DCDC1: variants seen among roughly 807,000 people sequenced by gnomAD.
The protein encoded by DCDC1 is doublecortin domain containing 1, also known as doublecortin domain-containing protein 1.
In DCDC1, 200 loss-of-function variants were observed where a neutral mutation model predicts 178.3. The observed-to-expected ratio is 1.12, with a 90% CI of 1.00 to 1.26. DCDC1 has a LOEUF of 1.26. Among genes scored for constraint, DCDC1 ranks in the 50% most tolerant of loss-of-function variants. The pLI, the probability that DCDC1 is intolerant of heterozygous loss-of-function variation, is 0.00. For missense variants in DCDC1, 1,983 were observed against 1,749.2 expected (o/e 1.13, Z -2.38); for synonymous variants, 690 against 604.8 (o/e 1.14, Z -2.07).
chr11:30,918,053 A>AG (rs1945980192), intron 25 of DCDC1, among the ~76,000 whole-genome samples: 1 of 152,122 alleles, frequency 6.6e-6, no homozygotes, highest in African/African-American at 2.4e-5. Context: ...AGTTAAAAAA[A>AG]ACAACAGCGC....
chr11:31,125,790 G>T (rs868552734), intron 11 of DCDC1, among the ~76,000 whole-genome samples: 3 of 152,102 alleles, frequency 2.0e-5, no homozygotes, highest in Non-Finnish European at 4.4e-5. Context: ...GGTTGGGTGG[G>T]GGGTAGAGCA....
Position 31,348,200 on chromosome 11 carries a change from A to T in DCDC1, c.-124-12636T>A, listed in dbSNP as rs531231345. ...TTCCTATCTATCATCAAAATTTCTT[A>T]CAAATTTCATCATCTCATTTGTTTT... On this transcript the variant is annotated intron_variant, in intron 1 of 38. Transcript: ENST00000684477. 5.9e-5 allele frequency among the ~76,000 whole-genome samples: 9 copies of T among 152,282 alleles called. No homozygotes were observed. The South Asian group carries it at 1.9e-3, about 32-fold the overall frequency.
At position 31,147,621 on chromosome 11, in the gene DCDC1, T is replaced by C. The variant is rs76416372; in HGVS notation, c.1222-9837A>G. Among the ~76,000 whole-genome samples the C allele has an allele frequency of 1.9e-3, 285 of 152,320 alleles. 3 individuals carry two copies. Among genetic ancestry groups the C allele is most frequent in the African/African-American group, 6.5e-3 (271 of 41,574 alleles). On this transcript the variant is annotated intron_variant, in intron 9 of 38. Transcript: ENST00000684477. ...GATTAAGATATTTGAGTTGGATACCTTAGGTTCCAAGGAATAGATACTCGC... is the reference window on the plus strand; with the variant it reads ...GATTAAGATATTTGAGTTGGATACCCTAGGTTCCAAGGAATAGATACTCGC...
chr11:31,252,619 A>T (rs1245443736), intron 8 of DCDC1, among the ~76,000 whole-genome samples: 1 of 152,104 alleles, frequency 6.6e-6, no homozygotes, highest in Non-Finnish European at 1.5e-5. Flanking sequence ...AGGAATACTG[A>T]AATAACTAGA....
chr11:31,294,850 G>GAAAA (rs1415353812), intron 6 of DCDC1, among the ~76,000 whole-genome samples: 1 of 124,434 alleles, frequency 8.0e-6, no homozygotes, highest in South Asian at 2.6e-4. Flanking sequence ...AAGAAAGAAA[G>GAAAA]AAAGAAAGAA....
intron 38 of DCDC1, among the ~76,000 whole-genome samples, chr11:30,871,329 C>A (rs751337547): frequency 7.5e-4 from 114 of 152,186 alleles, no homozygotes; most frequent in Non-Finnish European, 1.5e-3. Context: ...GGGGTGGCCA[C>A]TGGGACCCAG....
intron 24 of DCDC1, among the ~76,000 whole-genome samples, chr11:30,921,566 A>G (rs568264114): frequency 6.6e-6 from 1 of 152,260 alleles, no homozygotes; most frequent in East Asian, 1.9e-4. Context: ...AAAAGCCTGT[A>G]GCTCCCACTT....
intron 15 of DCDC1, 86 bp downstream of exon 15, chr11:31,102,091 A>T (rs541201944): frequency 1.9e-6 from 1 of 514,508 alleles, no homozygotes; most frequent in African/African-American, 1.9e-5. Flanking sequence ...AAAAAAAAAA[A>T]AAACTGTCAC....
chr11:31,290,460 T>G (rs1157798097), intron 7 of DCDC1, among the ~76,000 whole-genome samples, 187 bp downstream of exon 7: 1 of 152,040 alleles, frequency 6.6e-6, no homozygotes, highest in Non-Finnish European at 1.5e-5. Context: ...TTTGCTAAGG[T>G]AATTTATGGT....
chr11:30,942,779 C>T (rs163855), intron 21 of DCDC1, among the ~76,000 whole-genome samples: 9,506 of 152,178 alleles, frequency 0.062, 959 homozygotes, highest in African/African-American at 0.22. Flanking sequence ...TCCAGTTAGA[C>T]GAAGGAAGCC....
intron 38 of DCDC1, among the ~76,000 whole-genome samples, chr11:30,875,887 A>T (rs1208517264): frequency 6.6e-6 from 1 of 152,218 alleles, no homozygotes. Context: ...ATCCAGATAA[A>T]ATGCTTCTTA....
chr11:31,365,347 C>T (rs1339998060), intron 1 of DCDC1, among the ~76,000 whole-genome samples: 1 of 152,016 alleles, frequency 6.6e-6, no homozygotes, highest in Non-Finnish European at 1.5e-5. Flanking sequence ...TGGAACATAA[C>T]CATCATATCC....
At chr11:30,961,618 AT>A (rs1949103499) in intron 20 of DCDC1, among the ~76,000 whole-genome samples, 1 of 152,054 alleles carries the variant, frequency 6.6e-6, no homozygotes. Context: ...TTTATAATGA[AT>A]TTAAAATGGT....
chr11:31,244,079 T>C (rs1000985300), intron 8 of DCDC1, among the ~76,000 whole-genome samples: 7 of 151,662 alleles, frequency 4.6e-5, no homozygotes, highest in African/African-American at 1.5e-4. Context: ...CATAAGAAAA[T>C]GATACGCCTA....
At chr11:31,317,849 G>A (rs1166089561) in intron 3 of DCDC1, among the ~76,000 whole-genome samples, 1 of 50,768 alleles carries the variant, frequency 2.0e-5, no homozygotes, top group South Asian at 7.3e-4. Context: ...CTAATTTATT[G>A]AGAGTTTTTA....
At chr11:31,027,086 T>G (rs1242729356) in intron 20 of DCDC1, among the ~76,000 whole-genome samples, 1 of 151,790 alleles carries the variant, frequency 6.6e-6, no homozygotes, top group Non-Finnish European at 1.5e-5. Context: ...CAACATCATT[T>G]GCATCATTTA....
intron 9 of DCDC1, among the ~76,000 whole-genome samples, chr11:31,194,349 T>G (rs1450083561): frequency 6.6e-6 from 1 of 152,102 alleles, no homozygotes; most frequent in African/African-American, 2.4e-5. Context: ...TACGAATTGT[T>G]TTAAATAGCT....
intron 22 of DCDC1, among the ~76,000 whole-genome samples, chr11:30,928,992 C>G (rs919348016): frequency 6.6e-6 from 1 of 151,922 alleles, no homozygotes; most frequent in Non-Finnish European, 1.5e-5. Context: ...TATACATCTG[C>G]TCAAAGTTTT....
intron 14 of DCDC1, among the ~76,000 whole-genome samples, chr11:31,102,985 A>C (rs1425485141): frequency 6.6e-6 from 1 of 152,196 alleles, no homozygotes; most frequent in African/African-American, 2.4e-5. Flanking sequence ...TCTGTCTCTG[A>C]GAAATGGAGT....
Sources: gnomAD v4.1 joint callset for allele counts (sites outside exome capture counted in the v4.1 genomes callset) on GRCh38, gnomAD v4.1.1 for gene constraint, MANE v1.5 for transcripts, NCBI Gene and HGNC (gene_info 2026-07-23, HGNC 2026-07-21) for gene names.